The following CHSY3 variants were observed in gnomAD, a reference collection of about 807,000 sequenced individuals.
CHSY3 encodes N-acetylgalactosaminyl-proteoglycan 3-beta-glucuronosyltransferase 3.
CHSY3 carries 35 observed loss-of-function variants against 67.2 expected under a neutral mutation model. The observed-to-expected ratio is 0.52, with a 90% CI of 0.40 to 0.69. The LOEUF (loss-of-function observed/expected upper bound fraction) is 0.69. Among genes scored for constraint, CHSY3 ranks in the 30% least tolerant of loss-of-function variants. CHSY3 has a pLI of 0.00. For missense variants in CHSY3, 1,069 were observed against 1,138.5 expected (o/e 0.94, Z 0.88); for synonymous variants, 474 against 434.7 (o/e 1.09, Z -1.12).
chr5:129,984,433 T>C (rs1763112500), intron 2 of CHSY3, among the ~76,000 whole-genome samples: 2 of 152,172 alleles, frequency 1.3e-5, no homozygotes, highest in Admixed American at 1.3e-4. Flanking sequence ...CCACCATTGA[T>C]GGCCATATAG....
intron 2 of CHSY3, among the ~76,000 whole-genome samples, chr5:129,943,908 T>C (rs984759186): frequency 6.6e-6 from 1 of 152,304 alleles, no homozygotes; most frequent in Admixed American, 6.5e-5. Context: ...AAATGCTAGG[T>C]GAGTTGCACA....
At chr5:130,032,358 A>G (rs1310462800) in intron 2 of CHSY3, among the ~76,000 whole-genome samples, 1 of 152,150 alleles carries the variant, frequency 6.6e-6, no homozygotes, top group East Asian at 1.9e-4. Flanking sequence ...TAATGTAAAA[A>G]TATTTTGTTA....
chr5:129,917,250 G>A (rs1225799694), intron 2 of CHSY3, among the ~76,000 whole-genome samples: 3 of 152,108 alleles, frequency 2.0e-5, no homozygotes, highest in Non-Finnish European at 4.4e-5. Flanking sequence ...CATATCTGAG[G>A]TGCATTGTTT....
chr5:130,137,275 C>T (rs1768695874), intron 2 of CHSY3, among the ~76,000 whole-genome samples: 1 of 152,172 alleles, frequency 6.6e-6, no homozygotes, highest in Non-Finnish European at 1.5e-5. Context: ...CTTCCTACAA[C>T]TCTTTTCCTT....
chr5:130,132,088 T>C (rs79596653), intron 2 of CHSY3, among the ~76,000 whole-genome samples: 6,880 of 152,234 alleles, frequency 0.045, 429 homozygotes, highest in East Asian at 0.27. Flanking sequence ...ATTTAGCCCA[T>C]TTTGAACTTA....
rs144362723 is a variant in CHSY3 at position 130,173,468 on chromosome 5, T to C, written c.1087-10761T>C. ...GATGTTATTCAGATTTTCTTAGTTT[T>C]GCAAGTACTCTGTGTATGGGTGTTT... On this transcript the variant is annotated intron_variant, in intron 2 of 2. Coordinates refer to ENST00000305031, the MANE Select transcript of CHSY3 (RefSeq NM_175856.5). 2.0e-3 allele frequency among the ~76,000 whole-genome samples: 305 copies of C among 152,310 alleles called. 1 individual carries two copies. The highest frequency in any genetic ancestry group is 6.7e-3 in the African/African-American group (280 of 41,582).
chr5:130,115,390 AT>A (rs1355055142), intron 2 of CHSY3, among the ~76,000 whole-genome samples: 2 of 152,146 alleles, frequency 1.3e-5, no homozygotes, highest in Non-Finnish European at 2.9e-5. Context: ...CAATTTCACA[AT>A]TTCCATATAG....
At chr5:130,041,762 A>G (rs1026113867) in intron 2 of CHSY3, among the ~76,000 whole-genome samples, 15 of 152,152 alleles carry the variant, frequency 9.9e-5, no homozygotes, top group Non-Finnish European at 1.5e-4. Flanking sequence ...TTTAACAGAT[A>G]TAAACAATGT....
At chr5:130,133,486 G>C (rs1768548379) in intron 2 of CHSY3, among the ~76,000 whole-genome samples, 1 of 151,918 alleles carries the variant, frequency 6.6e-6, no homozygotes, top group Admixed American at 6.6e-5. Flanking sequence ...AGTTTACAAG[G>C]TAAGGCCTGG....
chr5:130,065,098 G>A (rs1212332219), intron 2 of CHSY3, among the ~76,000 whole-genome samples: 4 of 152,054 alleles, frequency 2.6e-5, no homozygotes, highest in African/African-American at 7.2e-5. Context: ...TTGCTACTAC[G>A]GAGCCAACAG....
At chr5:130,159,452 A>G (rs1303482494) in intron 2 of CHSY3, among the ~76,000 whole-genome samples, 4 of 152,186 alleles carry the variant, frequency 2.6e-5, no homozygotes, top group African/African-American at 9.7e-5. Context: ...GGCTTGAGCC[A>G]CTGTACCTGG....
intron 2 of CHSY3, among the ~76,000 whole-genome samples, chr5:130,183,969 T>C (rs987775934): frequency 6.6e-6 from 1 of 151,790 alleles, no homozygotes; most frequent in Non-Finnish European, 1.5e-5. Flanking sequence ...CATCCCACTA[T>C]ATGTATATTC....
At position 130,145,614 on chromosome 5, in the gene CHSY3, A is replaced by G. The variant is rs147341235; in HGVS notation, c.1087-38615A>G. On this transcript the variant is annotated intron_variant, in intron 2 of 2. Transcript: ENST00000305031. ...AAAACAGACAAATGAGATTACATCA[A>G]ACTAAAAAGCTTTTGCACAGCAAAG... 9.3e-3 allele frequency among the ~76,000 whole-genome samples: 1,418 copies of G among 152,330 alleles called. 27 individuals carry two copies. Among genetic ancestry groups the G allele is most frequent in the African/African-American group, 0.033 (1,356 of 41,580 alleles).
At chr5:130,020,902 T>C (rs1225425213) in intron 2 of CHSY3, among the ~76,000 whole-genome samples, 1 of 152,078 alleles carries the variant, frequency 6.6e-6, no homozygotes, top group Admixed American at 6.6e-5. Context: ...GTATTTTCAG[T>C]TATTTACGTG....
chr5:129,905,719 C>T (rs1259923134), intron 1 of CHSY3, 88 bp downstream of exon 1: 5 of 1,539,040 alleles, frequency 3.2e-6, no homozygotes, highest in Non-Finnish European at 4.4e-6. Context: ...AGCCCCTCCG[C>T]TGCTTCTCTG....
At chr5:129,976,089 C>T (rs930955423) in intron 2 of CHSY3, among the ~76,000 whole-genome samples, 1 of 152,008 alleles carries the variant, frequency 6.6e-6, no homozygotes, top group African/African-American at 2.4e-5. Context: ...AGAAGATCAG[C>T]TGTTTTGCTT....
intron 2 of CHSY3, among the ~76,000 whole-genome samples, chr5:129,924,066 T>G (rs1261946734): frequency 2.0e-5 from 3 of 152,218 alleles, no homozygotes; most frequent in African/African-American, 7.2e-5. Context: ...GTAATTTGTT[T>G]GAAAATTATA....
At chr5:130,080,842 C>G (rs1766422706) in intron 2 of CHSY3, among the ~76,000 whole-genome samples, 3 of 152,076 alleles carry the variant, frequency 2.0e-5, no homozygotes, top group Admixed American at 1.3e-4. Context: ...AAAAGGTTCA[C>G]AGAAAAAGAA....
chr5:129,998,126 A>C (rs906092325), intron 2 of CHSY3, among the ~76,000 whole-genome samples: 13 of 152,180 alleles, frequency 8.5e-5, no homozygotes, highest in Admixed American at 2.0e-4. Context: ...ACTCCCACCA[A>C]CAGTGTAAAA....
Sources: gnomAD v4.1 joint callset for allele counts (sites outside exome capture counted in the v4.1 genomes callset) on GRCh38, gnomAD v4.1.1 for gene constraint, MANE v1.5 for transcripts, NCBI Gene and HGNC (gene_info 2026-07-23, HGNC 2026-07-21) for gene names.